ZNF561: variants seen among roughly 807,000 people sequenced by gnomAD.
ZNF561 encodes zinc finger protein 561.
Under a neutral mutation model 16.7 loss-of-function variants are expected in ZNF561, and 16 were observed. That is an observed-to-expected ratio of 0.96 (90% confidence interval 0.65 to 1.45). The LOEUF (loss-of-function observed/expected upper bound fraction) is 1.45, where lower values mean the gene tolerates loss of function less well. Ranked by LOEUF, ZNF561 falls within the 40% of genes most tolerant of loss-of-function variation. ZNF561 has a pLI of 0.00. For missense variants in ZNF561, 580 were observed against 578.0 expected, an observed-to-expected ratio of 1.00 and a Z score of -0.04; for synonymous variants, 190 against 192.1, an observed-to-expected ratio of 0.99 and a Z score of 0.09.
rs753819320 is a variant in ZNF561 at position 9,617,027 on chromosome 19, T to A, written c.241+18A>T. On this transcript the variant is annotated intron_variant, in intron 4 of 5. Coordinates refer to ENST00000302851, the MANE Select transcript of ZNF561 (RefSeq NM_152289.3). The stretch of plus-strand genomic sequence containing the variant: ...CAGGTGCAGGCCACCATGCCAAGCA[T>A]AGTGATGTTACTCTTACCCACAGAG... 150 of 1,600,194 alleles carry A rather than the reference T, an allele frequency of 9.4e-5. No individual in the cohort carries two copies. The highest frequency in any genetic ancestry group is 4.7e-4 in the East Asian group (21 of 44,396).
At chr19:9,612,451 C>G (rs746252327) in intron 5 of ZNF561, among the ~76,000 whole-genome samples, 3 of 152,136 alleles carry the variant, frequency 2.0e-5, no homozygotes, top group Non-Finnish European at 2.9e-5. Flanking sequence ...AACTGCTGAC[C>G]TCATGATCTG....
intron 5 of ZNF561, among the ~76,000 whole-genome samples, chr19:9,611,841 A>T (rs963025223): frequency 1.3e-5 from 2 of 152,164 alleles, no homozygotes. Flanking sequence ...CTCCTGGCTG[A>T]GTTCAAGTGA....
intron 4 of ZNF561, among the ~76,000 whole-genome samples, chr19:9,616,404 C>T (rs556279571): frequency 2.6e-5 from 4 of 152,200 alleles, no homozygotes; most frequent in Admixed American, 2.0e-4. Flanking sequence ...TCTCAGCCTC[C>T]CAAGTAGCTG....
chr19:9,616,928 T>A lies in ZNF561; in HGVS notation c.241+117A>T, dbSNP rs1375037344. The A allele has an allele frequency of 5.1e-6, 7 of 1,362,778 alleles. 1 individual carries two copies. In the East Asian group the frequency reaches 1.8e-4, roughly 34 times the overall value. The allele number at this position is 1,362,778 out of a possible 1,614,324, so 84.4% of individuals were successfully genotyped here. ...TTTTTTAAGAGACAAGGTATCACAA[T>A]GTTGCCCATGCTAGTATCAAACTCC... On this transcript the variant is annotated intron_variant, in intron 4 of 5. Transcript: ENST00000302851.
At chr19:9,611,413 T>C in intron 5 of ZNF561, 77 bp from the exon 6 acceptor site, 1 of 1,396,910 alleles carries the variant, frequency 7.2e-7, no homozygotes, top group Non-Finnish European at 9.6e-7. Context: ...CACAGAAGCA[T>C]TTTGATGACA....
chr19:9,611,480 T>C (rs1486062247), intron 5 of ZNF561, 144 bp from the exon 6 acceptor site: 7 of 917,342 alleles, frequency 7.6e-6, no homozygotes, highest in Non-Finnish European at 9.2e-6. Flanking sequence ...GAAAGTCTTG[T>C]TCTATCTCCC....
intron 5 of ZNF561, 91 bp downstream of exon 5, chr19:9,613,930 A>C: frequency 1.3e-6 from 2 of 1,495,480 alleles, no homozygotes. Context: ...TACAGATGTA[A>C]GCCACACCTC....
chr19:9,610,063 C>G lies in ZNF561; in HGVS notation c.*137G>C, dbSNP rs1278228533. 3.9e-6 allele frequency: 3 copies of G among 760,794 alleles called. No homozygotes were observed. Among genetic ancestry groups the G allele is most frequent in the Non-Finnish European group, 4.1e-6 (2 of 487,940 alleles). The allele number at this position is 760,794 out of a possible 1,614,324, so 47.1% of individuals were successfully genotyped here. A position where few individuals can be genotyped will look rare whatever the true frequency, so the allele number is the denominator to read the frequency against. ...GGCAACCATGATGTTGTATTCAGAA[C>G]CTGTAGGTTTAATTTCAGACCCTCA... is the stretch of plus-strand genomic sequence containing the variant. On this transcript the variant is annotated 3_prime_UTR_variant, in exon 6 of 6. Transcript: ENST00000302851.
rs1043570102 is a variant in ZNF561, at chr19:9,614,188, A to C, written c.242-85T>G. 23 of 1,512,794 alleles carry C rather than the reference A, an allele frequency of 1.5e-5. No homozygotes were observed. In the Admixed American group the frequency reaches 4.3e-4, roughly 28 times the overall value. 93.7% of individuals were successfully genotyped at this position (1,512,794 alleles called of 1,614,324 possible). A position where few individuals can be genotyped will look rare whatever the true frequency, so the allele number is the denominator to read the frequency against. The stretch of plus-strand genomic sequence containing the variant: ...AGTCATTTTTACTTGTTTTCAAATT[A>C]AACACAGCAATAAAATAAAAGCCAG... On this transcript the variant is annotated intron_variant, in intron 4 of 5. Transcript: ENST00000302851.
intron 4 of ZNF561, among the ~76,000 whole-genome samples, chr19:9,615,710 G>A (rs144250053): frequency 0.027 from 4,061 of 151,258 alleles, 194 homozygotes; most frequent in African/African-American, 0.093. Context: ...GTTCAAGACC[G>A]GGCTGGCCAA....
At chr19:9,619,995 C>T (rs1473306877) in intron 1 of ZNF561, among the ~76,000 whole-genome samples, 4 of 151,418 alleles carry the variant, frequency 2.6e-5, no homozygotes, top group Non-Finnish European at 1.5e-5. Context: ...ATGGCACTAA[C>T]ACAACTCTCT....
At position 9,614,840 on chromosome 19, in the gene ZNF561, C is replaced by CT. The variant is rs779251988; in HGVS notation, c.242-738dup. Among the ~76,000 whole-genome samples, 1,112 of 137,498 alleles carry CT rather than the reference C, an allele frequency of 8.1e-3. 12 individuals carry two copies. Among genetic ancestry groups the CT allele is most frequent in the East Asian group, 0.038 (180 of 4,690 alleles). The allele number at this position is 137,498 out of a possible 152,430, so 90.2% of individuals were successfully genotyped here. Reference sequence around the variant, plus strand: ...TGAGGCAAAGTGCATCTTTAAAAATCTTTTTTTTTTTTTTTTGAGATGAAG... The same window carrying CT: ...TGAGGCAAAGTGCATCTTTAAAAATCTTTTTTTTTTTTTTTTTGAGATGAAG... On this transcript the variant is annotated intron_variant, in intron 4 of 5. Coordinates refer to ENST00000302851, the MANE Select transcript of ZNF561 (RefSeq NM_152289.3).
At position 9,607,931 on chromosome 19, in the gene ZNF561, C is replaced by T. The variant is rs944834528; in HGVS notation, c.*2269G>A. ...TGTTGTCCAGGCTGGAATGCAGTGG[C>T]TGCGATCTCGGCTCACTGCAACCTG... On this transcript the variant is annotated 3_prime_UTR_variant, in exon 6 of 6. Coordinates refer to ENST00000302851, the MANE Select transcript of ZNF561 (RefSeq NM_152289.3). 6.6e-6 allele frequency: 1 copy of T among 152,102 alleles called. No individual in the cohort carries two copies. Among genetic ancestry groups the T allele is most frequent in the Non-Finnish European group, 1.5e-5 (1 of 68,054 alleles). The allele number at this position is 152,102 out of a possible 1,614,324, so 9.4% of individuals were successfully genotyped here.
At chr19:9,614,284 G>A in intron 4 of ZNF561, 181 bp from the exon 5 acceptor site, 1 of 615,628 alleles carries the variant, frequency 1.6e-6, no homozygotes, top group Non-Finnish European at 2.8e-6. Context: ...TAACTGATGT[G>A]TTTAGATAGT....
chr19:9,617,353 G>C, intron 3 of ZNF561, 182 bp from the exon 4 acceptor site: 2 of 1,263,286 alleles, frequency 1.6e-6, no homozygotes, highest in Non-Finnish European at 2.0e-6. Context: ...CCTCCTACAG[G>C]CATATGCCTT....
At chr19:9,611,369 T>C in intron 5 of ZNF561, 33 bp from the exon 6 acceptor site, 3 of 1,567,222 alleles carry the variant, frequency 1.9e-6, no homozygotes, top group Non-Finnish European at 2.6e-6. Context: ...TTTAAAACAT[T>C]TTCAGACATA....
At chr19:9,620,224 G>C (rs569152540) in intron 1 of ZNF561, among the ~76,000 whole-genome samples, 87 of 152,240 alleles carry the variant, frequency 5.7e-4, no homozygotes, top group Middle Eastern at 3.4e-3. Context: ...CGAGTAGCTG[G>C]GATTTCAGGT....
At chr19:9,614,983 C>T (rs1302388109) in intron 4 of ZNF561, among the ~76,000 whole-genome samples, 1 of 151,712 alleles carries the variant, frequency 6.6e-6, no homozygotes, top group African/African-American at 2.4e-5. Context: ...GGACTAAAGG[C>T]GTGTGCCACC....
At chr19:9,616,201 T>A (rs2074550428) in intron 4 of ZNF561, among the ~76,000 whole-genome samples, 2 of 152,218 alleles carry the variant, frequency 1.3e-5, no homozygotes, top group South Asian at 4.1e-4. Flanking sequence ...TCCCCACTGT[T>A]TTCAGAATTG....
Sources: gnomAD v4.1 joint callset for allele counts (sites outside exome capture counted in the v4.1 genomes callset) on GRCh38, gnomAD v4.1.1 for gene constraint, MANE v1.5 for transcripts, NCBI Gene and HGNC (gene_info 2026-07-23, HGNC 2026-07-21) for gene names.